MAP4K5: variants seen among roughly 807,000 people sequenced by gnomAD.
The protein encoded by MAP4K5 is mitogen-activated protein kinase kinase kinase kinase 5.
In MAP4K5, 82 loss-of-function variants were observed where a neutral mutation model predicts 135.6. The ratio of observed to expected loss-of-function variants is 0.60; its 90% CI spans 0.51 to 0.73. The LOEUF (loss-of-function observed/expected upper bound fraction) is 0.73, where lower values mean the gene tolerates loss of function less well. Ranked by LOEUF, MAP4K5 falls within the 30% of genes least tolerant of loss-of-function variation. The pLI is 0.00. For synonymous variants in MAP4K5, 347 were observed against 335.0 expected (o/e 1.04, Z -0.39); for missense variants, 907 against 1,010.9 (o/e 0.90, Z 1.39).
At chr14:50,431,234 GT>G (rs2035960661) in intron 28 of MAP4K5, among the ~76,000 whole-genome samples, 1 of 151,902 alleles carries the variant, frequency 6.6e-6, no homozygotes, top group Non-Finnish European at 1.5e-5. Context: ...TTTTCTATGG[GT>G]TTTATCTTTT....
intron 1 of MAP4K5, among the ~76,000 whole-genome samples, chr14:50,547,449 G>C (rs1331178018): frequency 2.0e-5 from 3 of 152,186 alleles, no homozygotes; most frequent in Non-Finnish European, 2.9e-5. Context: ...CAAGGACGGA[G>C]TCTGAAAATA....
At chr14:50,481,169 C>T (rs1443833908) in intron 6 of MAP4K5, among the ~76,000 whole-genome samples, 2 of 151,122 alleles carry the variant, frequency 1.3e-5, no homozygotes, top group Non-Finnish European at 3.0e-5. Flanking sequence ...GTCAATAATT[C>T]TCTGCTATGA....
chr14:50,434,500 A>C lies in MAP4K5; in HGVS notation c.2058T>G (p.Pro686=), dbSNP rs762234634. Residue 686 remains proline (P), a synonymous_variant, in exon 28 of 33, where the codon CCT becomes CCG. Coordinates refer to ENST00000682126, the MANE Select transcript of MAP4K5 (RefSeq NM_006575.6). ...EMLVIPEQEY[P]MVCVAISKGT... is the part of the protein sequence containing the mutation. ...CTTTGCTAATAGCTACACAGACCATAGGGTATTCCTGTTCAGGTATCACCA... is the reference window on the plus strand; with the variant it reads ...CTTTGCTAATAGCTACACAGACCATCGGGTATTCCTGTTCAGGTATCACCA... The C allele has an allele frequency of 1.2e-6, 2 of 1,607,684 alleles. No individual in the cohort carries two copies. The highest frequency in any genetic ancestry group is 2.2e-5 in the South Asian group (2 of 89,600).
intron 13 of MAP4K5, 134 bp downstream of exon 13, chr14:50,462,531 C>T (rs1412666106): frequency 1.6e-6 from 1 of 637,048 alleles, no homozygotes; most frequent in Non-Finnish European, 2.7e-6. Flanking sequence ...GTGTAGTTTA[C>T]ATTATTAATC....
At chr14:50,473,789 A>G (rs1320016553) in intron 9 of MAP4K5, among the ~76,000 whole-genome samples, 1 of 132,278 alleles carries the variant, frequency 7.6e-6, no homozygotes, top group African/African-American at 3.0e-5. Context: ...AGTGGTGCGC[A>G]CTCAGCTCGC....
At chr14:50,440,491 C>CA (rs1166378783) in intron 21 of MAP4K5, 50 bp from the exon 22 acceptor site, 1 of 933,930 alleles carries the variant, frequency 1.1e-6, no homozygotes, top group South Asian at 1.7e-5. Flanking sequence ...CTTCTGAAAT[C>CA]ATTCACTAAA....
chr14:50,554,702 A>G lies in MAP4K5; in HGVS notation c.-180+6338T>C, dbSNP rs1201736372. On this transcript the variant is annotated intron_variant, in intron 1 of 8. Transcript: ENST00000555216. ...ACAGTAGGCAAAGAAGTTACAGAAAATTTGTTTAAAAGCAGTTTAGAGATG... is the reference window on the plus strand; with the variant it reads ...ACAGTAGGCAAAGAAGTTACAGAAAGTTTGTTTAAAAGCAGTTTAGAGATG... 2.0e-5 allele frequency among the ~76,000 whole-genome samples: 3 copies of G among 152,162 alleles called. No individual in the cohort carries two copies. In the East Asian group the frequency reaches 5.8e-4, roughly 29 times the overall value.
chr14:50,468,521 TA>T, intron 10 of MAP4K5, 129 bp downstream of exon 10: 1 of 891,518 alleles, frequency 1.1e-6, no homozygotes, highest in Non-Finnish European at 1.7e-6. Flanking sequence ...TGGATGAGAT[TA>T]CTCCTAAATC....
Position 50,429,274 on chromosome 14 carries a change from A to G in MAP4K5, c.2165-14T>C. On this transcript the variant is annotated splice_polypyrimidine_tract_variant and intron_variant, in intron 28 of 32. Coordinates refer to ENST00000682126, the MANE Select transcript of MAP4K5 (RefSeq NM_006575.6). ...ACTGCTGGCTGCCTTAGGAAGTAAA[A>G]AACAAGGTTACAATTATACTTTTAA... 6.6e-7 allele frequency: 1 copy of G among 1,515,614 alleles called. No individual in the cohort carries two copies. The allele number at this position is 1,515,614 out of a possible 1,614,324, so 93.9% of individuals were successfully genotyped here.
At chr14:50,442,270 CT>C (rs1390055245) in intron 21 of MAP4K5, among the ~76,000 whole-genome samples, 1 of 151,994 alleles carries the variant, frequency 6.6e-6, no homozygotes, top group African/African-American at 2.4e-5. Flanking sequence ...TGATCCTTCT[CT>C]CTTCCTTATG....
At chr14:50,523,869 C>T (rs2038204567) in intron 2 of MAP4K5, among the ~76,000 whole-genome samples, 1 of 152,160 alleles carries the variant, frequency 6.6e-6, no homozygotes, top group South Asian at 2.1e-4. Flanking sequence ...TGCATCCTGT[C>T]CTCCCAGTTC....
chr14:50,524,756 T>C (rs1331090104), intron 2 of MAP4K5, among the ~76,000 whole-genome samples: 3 of 152,188 alleles, frequency 2.0e-5, no homozygotes, highest in Non-Finnish European at 4.4e-5. Flanking sequence ...TCAGTATGGA[T>C]ACGGTATTGG....
At chr14:50,492,152 G>A (rs2037497903) in intron 3 of MAP4K5, among the ~76,000 whole-genome samples, 1 of 152,072 alleles carries the variant, frequency 6.6e-6, no homozygotes. Flanking sequence ...GCTTCGAGTT[G>A]TATTTCCTAT....
intron 8 of MAP4K5, among the ~76,000 whole-genome samples, chr14:50,475,615 G>C (rs933312720): frequency 4.6e-5 from 7 of 152,122 alleles, no homozygotes. Flanking sequence ...GATTAGGTGG[G>C]AGCATAGCCT....
chr14:50,513,304 T>C (rs2037967440), intron 2 of MAP4K5, among the ~76,000 whole-genome samples: 2 of 152,300 alleles, frequency 1.3e-5, no homozygotes, highest in South Asian at 2.1e-4. Flanking sequence ...ATCTTACTAA[T>C]AGTAAAAAGT....
chr14:50,550,607 A>C (rs1468334704), intron 1 of MAP4K5, among the ~76,000 whole-genome samples: 1 of 152,230 alleles, frequency 6.6e-6, no homozygotes, highest in Non-Finnish European at 1.5e-5. Flanking sequence ...GGAAGGCCTG[A>C]TTGCCAGTGC....
chr14:50,464,525 G>C (rs575940105), intron 11 of MAP4K5, among the ~76,000 whole-genome samples: 11 of 152,224 alleles, frequency 7.2e-5, no homozygotes, highest in African/African-American at 2.6e-4. Context: ...GGTAATATAA[G>C]AGACTATTTA....
At chr14:50,425,812 A>C (rs1241579278) in intron 31 of MAP4K5, 95 bp downstream of exon 31, 5 of 801,962 alleles carry the variant, frequency 6.2e-6, no homozygotes, top group Non-Finnish European at 1.0e-5. Flanking sequence ...CACTAAACAC[A>C]GTAATGTAGG....
At chr14:50,466,006 G>A (rs915456825) in intron 11 of MAP4K5, among the ~76,000 whole-genome samples, 1 of 152,094 alleles carries the variant, frequency 6.6e-6, no homozygotes, top group Admixed American at 6.5e-5. Flanking sequence ...CCCAGGAGGC[G>A]GAGGATGCAT....
Sources: allele counts gnomAD v4.1 joint callset (sites outside exome capture counted in the v4.1 genomes callset), GRCh38; gene constraint gnomAD v4.1.1; transcripts MANE v1.5; gene names NCBI Gene and HGNC (gene_info 2026-07-23, HGNC 2026-07-21).